The following P3H2 variants were observed in gnomAD, a reference collection of about 807,000 sequenced individuals.
P3H2 encodes prolyl 3-hydroxylase 2.
P3H2 carries 80 observed loss-of-function variants against 87.0 expected under a neutral mutation model. The ratio of observed to expected loss-of-function variants is 0.92; its 90% CI spans 0.77 to 1.11. The LOEUF (loss-of-function observed/expected upper bound fraction) is 1.11. P3H2 is among the 50% of genes least tolerant of loss of function. P3H2 has a pLI of 0.00. For missense variants in P3H2, 1,001 were observed against 923.9 expected (o/e 1.08, Z -1.08); for synonymous variants, 367 against 359.3 (o/e 1.02, Z -0.24).
intron 1 of P3H2, among the ~76,000 whole-genome samples, chr3:190,091,970 C>T (rs994481969): frequency 6.6e-6 from 1 of 152,174 alleles, no homozygotes; most frequent in Non-Finnish European, 1.5e-5. Flanking sequence ...CAGTGGCTCA[C>T]GCCTATAATC....
intron 1 of P3H2, among the ~76,000 whole-genome samples, chr3:190,000,358 A>T (rs1470007923): frequency 1.3e-5 from 2 of 152,228 alleles, no homozygotes; most frequent in Non-Finnish European, 2.9e-5. Context: ...ATTTTGCACC[A>T]ACTCTGTATC....
chr3:190,025,184 T>C (rs918067568), intron 1 of P3H2, among the ~76,000 whole-genome samples: 1 of 152,064 alleles, frequency 6.6e-6, no homozygotes, highest in African/African-American at 2.4e-5. Context: ...TAGAACTTTT[T>C]TTTTTCTTTT....
At chr3:190,101,206 A>G (rs1711613969) in intron 1 of P3H2, among the ~76,000 whole-genome samples, 1 of 151,920 alleles carries the variant, frequency 6.6e-6, no homozygotes, top group Non-Finnish European at 1.5e-5. Context: ...AATTAGGCCA[A>G]TTAATAATCC....
chr3:190,039,200 A>T (rs966905955), intron 1 of P3H2, among the ~76,000 whole-genome samples: 26 of 151,830 alleles, frequency 1.7e-4, no homozygotes, highest in African/African-American at 4.8e-4. Context: ...AAAAAAAAAA[A>T]TAAAAAAGAA....
intron 1 of P3H2, among the ~76,000 whole-genome samples, chr3:190,063,997 T>G (rs1263217271): frequency 6.7e-6 from 1 of 148,220 alleles, no homozygotes; most frequent in Non-Finnish European, 1.5e-5. Flanking sequence ...AAACTTTTTT[T>G]TTTTTTTTTT....
chr3:190,104,372 G>A (rs1711750701), intron 1 of P3H2, among the ~76,000 whole-genome samples: 1 of 152,150 alleles, frequency 6.6e-6, no homozygotes. Flanking sequence ...CCACTCCAGT[G>A]ATGGTATCAG....
At chr3:190,042,671 T>C (rs1332171749) in intron 1 of P3H2, among the ~76,000 whole-genome samples, 1 of 152,212 alleles carries the variant, frequency 6.6e-6, no homozygotes, top group Non-Finnish European at 1.5e-5. Context: ...GTCCCTACAG[T>C]AAACCTTTTG....
chr3:190,007,173 T>C (rs1272165896), intron 1 of P3H2, among the ~76,000 whole-genome samples: 1 of 152,146 alleles, frequency 6.6e-6, no homozygotes, highest in Non-Finnish European at 1.5e-5. Context: ...TGTGGAAACA[T>C]TAGCCTGGTT....
chr3:190,090,271 G>T (rs974448335), intron 1 of P3H2, among the ~76,000 whole-genome samples: 1 of 151,802 alleles, frequency 6.6e-6, no homozygotes, highest in Non-Finnish European at 1.5e-5. Flanking sequence ...GGAGTATACC[G>T]GATCAAAGGC....
chr3:189,992,072 G>T (rs1719602), intron 3 of P3H2, among the ~76,000 whole-genome samples: 111,880 of 152,058 alleles, frequency 0.74, 41,988 homozygotes, highest in East Asian at 0.92. Flanking sequence ...TGAGTTATTA[G>T]GTGAGTAGTG....
chr3:190,088,191 T>C (rs1366998302), intron 1 of P3H2, among the ~76,000 whole-genome samples: 1 of 152,206 alleles, frequency 6.6e-6, no homozygotes, highest in East Asian at 1.9e-4. Flanking sequence ...CTTTCTTAGG[T>C]TCTTAAAATG....
intron 1 of P3H2, among the ~76,000 whole-genome samples, chr3:190,073,385 C>T (rs554753153): frequency 3.9e-5 from 6 of 152,276 alleles, no homozygotes; most frequent in East Asian, 1.9e-4. Flanking sequence ...TCCATTGCCA[C>T]GCAGCCCTGA....
intron 1 of P3H2, among the ~76,000 whole-genome samples, chr3:190,016,793 AC>A (rs1236674671): frequency 6.6e-6 from 1 of 151,800 alleles, no homozygotes; most frequent in Non-Finnish European, 1.5e-5. Flanking sequence ...TTGTCCCATG[AC>A]CCCCTTCTTG....
intron 1 of P3H2, among the ~76,000 whole-genome samples, chr3:190,003,037 A>T (rs757294940): frequency 1.3e-5 from 2 of 152,224 alleles, no homozygotes; most frequent in Non-Finnish European, 2.9e-5. Flanking sequence ...AGTCATAGGT[A>T]TAAGTAACTA....
At position 190,058,838 on chromosome 3, in the gene P3H2, C is replaced by A. The variant is rs182765487; in HGVS notation, c.480+61414G>T. 2.6e-4 allele frequency among the ~76,000 whole-genome samples: 39 copies of A among 152,270 alleles called. 1 individual carries two copies. Among genetic ancestry groups the A allele is most frequent in the Non-Finnish European group, 1.5e-5 (1 of 68,026 alleles). On this transcript the variant is annotated intron_variant, in intron 1 of 14. Transcript: ENST00000319332. ...AAGGCACACACACAAAGGAAACTCA[C>A]TAAACAAAAGCCAGATTTAGTTCAG...
chr3:189,989,057 T>C lies in P3H2; in HGVS notation c.824-19A>G, dbSNP rs1361148063. The C allele has an allele frequency of 1.2e-6, 2 of 1,613,978 alleles. No homozygotes were observed. Among genetic ancestry groups the C allele is most frequent in the Non-Finnish European group, 8.5e-7 (1 of 1,179,972 alleles). ...TAGTGATCTGGAAGACAAGAGCCAA[T>C]ACGTGTGTTCCTCCAGGTTGCTGAG... On this transcript the variant is annotated intron_variant, in intron 3 of 14. Transcript: ENST00000319332.
At chr3:189,975,166 C>T (rs1311554133) in intron 8 of P3H2, among the ~76,000 whole-genome samples, 6 of 115,342 alleles carry the variant, frequency 5.2e-5, no homozygotes, top group Admixed American at 4.9e-4. Flanking sequence ...AGTCACTTGA[C>T]TCTGCCTCAG....
chr3:189,985,395 TCAAATG>T (rs1252853099), intron 6 of P3H2, among the ~76,000 whole-genome samples: 1 of 151,552 alleles, frequency 6.6e-6, no homozygotes, highest in African/African-American at 2.4e-5. Context: ...AAAGTGATTT[TCAAATG>T]TTATTTCTTA....
intron 1 of P3H2, among the ~76,000 whole-genome samples, chr3:190,031,982 G>T (rs1403142959): frequency 6.6e-6 from 1 of 152,134 alleles, no homozygotes; most frequent in African/African-American, 2.4e-5. Context: ...AAAACATTCA[G>T]TAAGTGTCTA....
Sources: allele counts gnomAD v4.1 joint callset (sites outside exome capture counted in the v4.1 genomes callset), GRCh38; gene constraint gnomAD v4.1.1; transcripts MANE v1.5; gene names NCBI Gene and HGNC (gene_info 2026-07-23, HGNC 2026-07-21).